The following CUX2 variants were observed in gnomAD, a reference collection of about 807,000 sequenced individuals.
CUX2 encodes cut like homeobox 2.
A neutral mutation model predicts 144.8 loss-of-function variants in CUX2; 40 were observed. The observed-to-expected ratio is 0.28, with a 90% confidence interval of 0.21 to 0.36. The LOEUF (loss-of-function observed/expected upper bound fraction) is 0.36, where lower values mean the gene tolerates loss of function less well. Among genes scored for constraint, CUX2 ranks in the 10% least tolerant of loss-of-function variants. The pLI is 1.00. For synonymous variants in CUX2, 827 were observed against 875.6 expected, an observed-to-expected ratio of 0.94 and a Z score of 0.98; for missense variants, 1,615 against 1,994.0, an observed-to-expected ratio of 0.81 and a Z score of 3.62.
At chr12:111,219,941 C>T (rs2339715) in intron 3 of CUX2, among the ~76,000 whole-genome samples, 34,036 of 151,926 alleles carry the variant, frequency 0.22, 5,332 homozygotes, top group East Asian at 0.58. Context: ...GTCAGGAGTT[C>T]GAGACCAGCC....
intron 1 of CUX2, among the ~76,000 whole-genome samples, chr12:111,071,034 C>T (rs1871237047): frequency 6.6e-6 from 1 of 151,122 alleles, no homozygotes; most frequent in African/African-American, 2.4e-5. Context: ...TTAGTTGGTT[C>T]CAAATTTTGG....
rs766760299 is a variant in CUX2, at chr12:111,320,262, C to G, written c.2253C>G (p.Ser751Arg). The G allele has an allele frequency of 2.5e-6, 4 of 1,590,226 alleles. No individual in the cohort carries two copies. Among genetic ancestry groups the G allele is most frequent in the Non-Finnish European group, 3.4e-6 (4 of 1,175,812 alleles). ...CCTTGGTGAAGCAGGAGGAGGGCAG[C>G]GGGGGCCCCGCGCAGGCGCCGCTCC... ...APALVKQEEG[S>R]GGPAQAPLPV... The change falls in exon 17 of 22, where the codon AGC becomes AGG. Residue 751 changes from serine (S) to arginine (R), a missense_variant. Coordinates refer to ENST00000261726, the MANE Select transcript of CUX2 (RefSeq NM_015267.4). This position sits in a 1 kb window ranked among gnomAD's most constrained non-coding sequence, Gnocchi z 8.1.
At chr12:111,252,785 G>T (rs1208696858) in intron 3 of CUX2, among the ~76,000 whole-genome samples, 3 of 150,126 alleles carry the variant, frequency 2.0e-5, no homozygotes, top group Non-Finnish European at 4.5e-5. Context: ...TAGTAGGCCA[G>T]GCGTAGTGGC....
intron 1 of CUX2, among the ~76,000 whole-genome samples, chr12:111,122,591 A>G (rs1874758328): frequency 6.6e-6 from 1 of 152,224 alleles, no homozygotes; most frequent in Non-Finnish European, 1.5e-5. Context: ...GGAAAGCCAT[A>G]CAGATAATTA....
intron 4 of CUX2, among the ~76,000 whole-genome samples, chr12:111,285,237 G>A (rs538752683): frequency 5.9e-5 from 9 of 152,284 alleles, no homozygotes; most frequent in African/African-American, 1.4e-4. Flanking sequence ...TATCAGGCAC[G>A]AAAGGAATTT....
chr12:111,136,942 CTT>C lies in CUX2; in HGVS notation c.64-77246_64-77245del, dbSNP rs111985672. 6.1e-3 allele frequency among the ~76,000 whole-genome samples: 876 copies of C among 144,166 alleles called. 9 individuals are homozygous for C. Among genetic ancestry groups the C allele is most frequent in the African/African-American group, 0.021 (820 of 39,622 alleles). 94.6% of individuals were successfully genotyped at this position (144,166 alleles called of 152,430 possible). On this transcript the variant is annotated intron_variant, in intron 1 of 21. Coordinates refer to ENST00000261726, the MANE Select transcript of CUX2 (RefSeq NM_015267.4). ...AGAATCCGCTGTTTATTTTTTATGG[CTT>C]TTTTTTTTTTTGAGACAGGGTCTCG...
chr12:111,318,238 C>CTTTTTTTTTTTTTTTTTT (rs955839240), intron 16 of CUX2, among the ~76,000 whole-genome samples: 1 of 109,656 alleles, frequency 9.1e-6, no homozygotes, highest in East Asian at 6.2e-4. Context: ...ATTTTTTTTT[C>CTTTTTTTTTTTTTTTTTT]TTTTTTCTTT....
chr12:111,233,352 C>T (rs1044073187), intron 3 of CUX2, among the ~76,000 whole-genome samples: 3 of 152,214 alleles, frequency 2.0e-5, no homozygotes, highest in African/African-American at 2.4e-5. Context: ...GGAGTCCACA[C>T]TGCAACAGAC....
Position 111,320,154 on chromosome 12 carries a change from G to A in CUX2, c.2145G>A (p.Glu715=). ...AACAGCAGGCGCTGCTGGAGATGGA[G>A]GTGGCGCCCAGGGGCCGCTCGGTGC... ...QAQQQALLEM[E]VAPRGRSVPP... The change falls in exon 17 of 22, where the codon GAG becomes GAA. Residue 715 remains glutamate, a synonymous_variant. Coordinates refer to ENST00000261726, the MANE Select transcript of CUX2 (RefSeq NM_015267.4). This position sits in a 1 kb window ranked among gnomAD's most constrained non-coding sequence, Gnocchi z 8.1. 6.5e-7 allele frequency: 1 copy of A among 1,547,624 alleles called. No homozygotes were observed. The highest frequency in any genetic ancestry group is 8.7e-7 in the Non-Finnish European group (1 of 1,150,466).
intron 3 of CUX2, among the ~76,000 whole-genome samples, chr12:111,249,979 A>G (rs891190092): frequency 5.9e-5 from 9 of 152,116 alleles, no homozygotes. Flanking sequence ...TGTGTTGCAA[A>G]GTTCTAGGGG....
chr12:111,131,921 C>A (rs1875509772), intron 1 of CUX2, among the ~76,000 whole-genome samples: 1 of 152,198 alleles, frequency 6.6e-6, no homozygotes, highest in Non-Finnish European at 1.5e-5. Flanking sequence ...AGTGGATCTA[C>A]CATTCTGGGG....
intron 4 of CUX2, among the ~76,000 whole-genome samples, chr12:111,268,225 GTTTTTT>G (rs1487652710): frequency 6.8e-6 from 1 of 146,886 alleles, no homozygotes; most frequent in East Asian, 1.9e-4. Context: ...TTTGTTTTTT[GTTTTTT>G]GTTTTTTTTA....
In CUX2 at chr12:111,061,428, A is replaced by G. The variant is rs1040340222; in HGVS notation, c.63+27188A>G. Among the ~76,000 whole-genome samples the G allele has an allele frequency of 2.0e-5, 3 of 152,190 alleles. No individual in the cohort carries two copies. The highest frequency in any genetic ancestry group is 4.4e-5 in the Non-Finnish European group (3 of 68,040). On this transcript the variant is annotated intron_variant, in intron 1 of 21. Transcript: ENST00000261726. The surrounding 1 kb of genome is among the most constrained non-coding windows in gnomAD (Gnocchi z 4.2). ...GTTTTCGGGGAATCCCACGACTGCA[A>G]GTGAAAGAAGGGCTTTTTAAAAGTA...
rs557995866 is a variant in CUX2 at position 111,304,722 on chromosome 12, A to G, written c.858+408A>G. Among the ~76,000 whole-genome samples the G allele has an allele frequency of 2.7e-4, 41 of 152,146 alleles. No individual in the cohort carries two copies. The highest frequency in any genetic ancestry group is 5.4e-4 in the Non-Finnish European group (37 of 68,018). ...AGTTTGAGGCAATACAGCAGCATGCAGTTTTGGTGGCTGCCACCAGGTGTC... is the reference window on the plus strand; with the variant it reads ...AGTTTGAGGCAATACAGCAGCATGCGGTTTTGGTGGCTGCCACCAGGTGTC... On this transcript the variant is annotated intron_variant, in intron 10 of 21. Transcript: ENST00000261726. The surrounding 1 kb of genome is among the most constrained non-coding windows in gnomAD (Gnocchi z 4.7).
At position 111,310,528 on chromosome 12, in the gene CUX2, G is replaced by A. The variant is rs1352732731; in HGVS notation, c.1746G>A (p.Gly582=). 6.2e-7 allele frequency: 1 copy of A among 1,613,960 alleles called. No homozygotes were observed. The highest frequency in any genetic ancestry group is 8.5e-7 in the Non-Finnish European group (1 of 1,180,030). ...GGGTGTTTGGGCATTACGTGCTGGG[G>A]CTGTCGCAGGGCTCGGTCAGCGAGA... The part of the protein sequence containing the change: ...GQRVFGHYVL[G]LSQGSVSEIL... Residue 582 remains glycine, a synonymous_variant, in exon 15 of 22, where the codon GGG becomes GGA. Coordinates refer to ENST00000261726, the MANE Select transcript of CUX2 (RefSeq NM_015267.4). The surrounding 1 kb of genome is among the most constrained non-coding windows in gnomAD (Gnocchi z 7.9).
At chr12:111,315,749 G>A (rs1887154512) in intron 16 of CUX2, among the ~76,000 whole-genome samples, 1 of 152,120 alleles carries the variant, frequency 6.6e-6, no homozygotes, top group Admixed American at 6.6e-5. Context: ...GCTGGGCATA[G>A]TGGCAAATGC....
At chr12:111,094,093 G>A (rs1872687108) in intron 1 of CUX2, among the ~76,000 whole-genome samples, 1 of 152,212 alleles carries the variant, frequency 6.6e-6, no homozygotes, top group African/African-American at 2.4e-5. Context: ...ACGGACAGGG[G>A]ACAGTGTATT....
intron 1 of CUX2, among the ~76,000 whole-genome samples, chr12:111,097,330 C>T (rs1222407482): frequency 6.6e-6 from 1 of 152,204 alleles, no homozygotes; most frequent in Non-Finnish European, 1.5e-5. Flanking sequence ...CCCACTGCTT[C>T]CTGTTCAATT....
intron 1 of CUX2, among the ~76,000 whole-genome samples, chr12:111,072,843 G>T (rs1172425650): frequency 6.6e-6 from 1 of 152,154 alleles, no homozygotes; most frequent in East Asian, 1.9e-4. Context: ...CTGCTGGGGG[G>T]CACACACATT....
Sources: gnomAD v4.1 joint callset for allele counts (sites outside exome capture counted in the v4.1 genomes callset) on GRCh38, gnomAD v4.1.1 for gene constraint, Gnocchi (gnomAD v3.1) non-coding constraint, MANE v1.5 for transcripts, NCBI Gene and HGNC (gene_info 2026-07-23, HGNC 2026-07-21) for gene names.